The following SORL1 variants were observed in gnomAD, a reference collection of about 807,000 sequenced individuals.
SORL1 encodes sortilin-related receptor.
Under a neutral mutation model 273.7 loss-of-function variants are expected in SORL1, and 127 were observed. That is an observed-to-expected ratio of 0.46 (90% CI 0.40 to 0.54). The LOEUF (loss-of-function observed/expected upper bound fraction) is 0.54, where lower values mean the gene tolerates loss of function less well. Ranked by LOEUF, SORL1 falls within the 20% of genes least tolerant of loss-of-function variation. SORL1 has a pLI of 0.00. For missense variants in SORL1, 2,494 were observed against 2,846.1 expected, an observed-to-expected ratio of 0.88 and a Z score of 2.81; for synonymous variants, 1,031 against 1,067.4, an observed-to-expected ratio of 0.97 and a Z score of 0.66.
At chr11:121,459,756 C>T (rs1347416315) in intron 1 of SORL1, among the ~76,000 whole-genome samples, 1 of 152,210 alleles carries the variant, frequency 6.6e-6, no homozygotes, top group East Asian at 1.9e-4. Context: ...CCTGCCCTGC[C>T]CTTTGCTTCC....
chr11:121,499,407 A>G (rs1861678544), intron 6 of SORL1, among the ~76,000 whole-genome samples: 1 of 152,178 alleles, frequency 6.6e-6, no homozygotes, highest in South Asian at 2.1e-4. Flanking sequence ...AGCATCAGGC[A>G]AGGACAGTTG....
At chr11:121,544,041 T>C (rs1176422706) in intron 13 of SORL1, among the ~76,000 whole-genome samples, 2 of 152,194 alleles carry the variant, frequency 1.3e-5, no homozygotes, top group Admixed American at 6.5e-5. Context: ...GCAGTGCCAA[T>C]TGGACGTATT....
At position 121,517,060 on chromosome 11, in the gene SORL1, A is replaced by T. The variant is rs190062963; in HGVS notation, c.1211+2739A>T. 6.9e-4 allele frequency among the ~76,000 whole-genome samples: 105 copies of T among 152,330 alleles called. No homozygotes were observed. The Middle Eastern group carries it at 0.014, about 20-fold the overall frequency. On this transcript the variant is annotated intron_variant, in intron 8 of 47. Transcript: ENST00000260197. ...GAGCGAGACTCTGTCTCAAAAAAAAAAAATTATTTATTGAGGTGAAATGTA... is the reference window on the plus strand; with the variant it reads ...GAGCGAGACTCTGTCTCAAAAAAAATAAATTATTTATTGAGGTGAAATGTA...
At chr11:121,513,146 C>T in intron 7 of SORL1, 42 bp downstream of exon 7, 1 of 1,417,430 alleles carries the variant, frequency 7.1e-7, no homozygotes, top group Middle Eastern at 1.8e-4. Flanking sequence ...GTATCATTGT[C>T]TTTATGCAGA....
intron 11 of SORL1, among the ~76,000 whole-genome samples, chr11:121,523,863 C>T (rs964353644): frequency 6.6e-6 from 1 of 152,214 alleles, no homozygotes; most frequent in Non-Finnish European, 1.5e-5. Flanking sequence ...TAGTTCCCAT[C>T]CACGTGGTGC....
In SORL1 at chr11:121,595,794, C is replaced by T; in HGVS notation, c.4519+22C>T. 2.5e-6 allele frequency: 4 copies of T among 1,608,100 alleles called. No individual in the cohort carries two copies. The highest frequency in any genetic ancestry group is 2.2e-5 in the South Asian group (2 of 91,018). On this transcript the variant is annotated intron_variant, in intron 32 of 47. Transcript: ENST00000260197. The surrounding 1 kb of genome is among the most constrained non-coding windows in gnomAD (Gnocchi z 5.1). Reference sequence around the variant, plus strand: ...TGCCGTGAGTAGTCAGAGAGCCCTTCACCCCCTGGGCACGTTTCTGCAGAG... The same window carrying T: ...TGCCGTGAGTAGTCAGAGAGCCCTTTACCCCCTGGGCACGTTTCTGCAGAG...
intron 4 of SORL1, 57 bp downstream of exon 4, chr11:121,488,250 T>G (rs1861505055): frequency 6.5e-7 from 1 of 1,546,966 alleles, no homozygotes; most frequent in East Asian, 2.2e-5. Flanking sequence ...CTCCTCTGCC[T>G]GTGTGGATTG....
intron 11 of SORL1, among the ~76,000 whole-genome samples, chr11:121,526,765 T>C (rs1481732782): frequency 6.6e-6 from 1 of 152,190 alleles, no homozygotes; most frequent in African/African-American, 2.4e-5. Context: ...AAAATACAAC[T>C]GATTTTTTAT....
Position 121,621,312 on chromosome 11 carries a change from A to T in SORL1, c.6064+74A>T, listed in dbSNP as rs1863721089. On this transcript the variant is annotated intron_variant, in intron 44 of 47. Coordinates refer to ENST00000260197, the MANE Select transcript of SORL1 (RefSeq NM_003105.6). ...GCTGTGCCGCTAGACCTCCAGAGAC[A>T]GACTTTTCATTAGGCGTTTGTTTCA... 7.4e-6 allele frequency: 10 copies of T among 1,350,878 alleles called. No individual in the cohort carries two copies. In the South Asian group the frequency reaches 1.1e-4, roughly 14 times the overall value. The allele number at this position is 1,350,878 out of a possible 1,614,324, so 83.7% of individuals were successfully genotyped here. A position where few individuals can be genotyped will look rare whatever the true frequency, so the allele number is the denominator to read the frequency against.
chr11:121,460,460 A>G (rs570415888), intron 1 of SORL1, among the ~76,000 whole-genome samples: 27 of 134,080 alleles, frequency 2.0e-4, no homozygotes, highest in Admixed American at 1.4e-3. Context: ...CAGTGGCTCT[A>G]TCTCGGCTCA....
Position 121,611,228 on chromosome 11 carries a change from A to G in SORL1, c.5322+70A>G, listed in dbSNP as rs1213663228. 133 of 1,058,080 alleles carry G rather than the reference A, an allele frequency of 1.3e-4. No homozygotes were observed. In the East Asian group the frequency reaches 3.1e-3, roughly 25 times the overall value. 65.5% of individuals were successfully genotyped at this position (1,058,080 alleles called of 1,614,324 possible). A position where few individuals can be genotyped will look rare whatever the true frequency, so the allele number is the denominator to read the frequency against. ...TGTATGGGAACTGAAAGGACATAGC[A>G]CAGTAAGACTGGAAAAAAACAAAAA... is the stretch of plus-strand genomic sequence containing the variant. On this transcript the variant is annotated intron_variant, in intron 39 of 47. Transcript: ENST00000260197.
chr11:121,481,508 C>T (rs1350984281), intron 3 of SORL1, among the ~76,000 whole-genome samples: 33 of 104,604 alleles, frequency 3.2e-4, no homozygotes, highest in Non-Finnish European at 4.3e-4. Flanking sequence ...TATAGGCAGG[C>T]TTCATCTCCT....
chr11:121,464,483 A>T (rs940053639), intron 1 of SORL1, among the ~76,000 whole-genome samples: 3 of 152,224 alleles, frequency 2.0e-5, no homozygotes, highest in African/African-American at 7.2e-5. Flanking sequence ...ATGAGTAATC[A>T]GTCCCTTCAT....
At chr11:121,457,250 A>G (rs1364015513) in intron 1 of SORL1, among the ~76,000 whole-genome samples, 2 of 152,154 alleles carry the variant, frequency 1.3e-5, no homozygotes, top group Non-Finnish European at 2.9e-5. Context: ...AAGAGTAAGG[A>G]GGCGGAATTT....
At chr11:121,488,643 A>G (rs1861510097) in intron 4 of SORL1, among the ~76,000 whole-genome samples, 2 of 152,202 alleles carry the variant, frequency 1.3e-5, no homozygotes, top group African/African-American at 4.8e-5. Flanking sequence ...ACTAACAGTA[A>G]TAGTCTTCCT....
At chr11:121,603,364 G>A (rs1490981854) in intron 32 of SORL1, among the ~76,000 whole-genome samples, 1 of 152,202 alleles carries the variant, frequency 6.6e-6, no homozygotes, top group Non-Finnish European at 1.5e-5. Flanking sequence ...CAGCTACATA[G>A]CAGATTTGTA....
intron 8 of SORL1, 54 bp downstream of exon 8, chr11:121,514,375 C>T (rs1861921483): frequency 2.6e-6 from 4 of 1,521,356 alleles, no homozygotes; most frequent in Non-Finnish European, 2.7e-6. Context: ...CAACCATTAG[C>T]TTCTCTCTGG....
At chr11:121,491,355 C>T (rs1861550112) in intron 5 of SORL1, among the ~76,000 whole-genome samples, 2 of 152,120 alleles carry the variant, frequency 1.3e-5, no homozygotes, top group South Asian at 4.1e-4. Flanking sequence ...TTTACTATTA[C>T]AGTGATAAAG....
At chr11:121,601,358 C>T (rs1447449210) in intron 32 of SORL1, among the ~76,000 whole-genome samples, 9 of 146,754 alleles carry the variant, frequency 6.1e-5, no homozygotes, top group East Asian at 2.0e-4. Context: ...AATAAACATA[C>T]GTGTGCATGT....
Sources: gnomAD v4.1 joint callset for allele counts (sites outside exome capture counted in the v4.1 genomes callset) on GRCh38, gnomAD v4.1.1 for gene constraint, Gnocchi (gnomAD v3.1) non-coding constraint, MANE v1.5 for transcripts, NCBI Gene and HGNC (gene_info 2026-07-23, HGNC 2026-07-21) for gene names.